Variants in ADCYAP1R1 observed in about 807,000 individuals in gnomAD.
ADCYAP1R1 encodes pituitary adenylate cyclase-activating polypeptide type I receptor.
A neutral mutation model predicts 67.6 loss-of-function variants in ADCYAP1R1; 44 were observed. The ratio of observed to expected loss-of-function variants is 0.65; its 90% CI spans 0.51 to 0.84. The LOEUF (loss-of-function observed/expected upper bound fraction) is 0.84. ADCYAP1R1 is among the 40% of genes least tolerant of loss of function. The probability of loss-of-function intolerance (pLI) is 0.00; values close to 1 mark genes in which losing one functional copy is unlikely to be tolerated. For synonymous variants in ADCYAP1R1, 222 were observed against 219.6 expected (o/e 1.01, Z -0.10); for missense variants, 477 against 587.9 (o/e 0.81, Z 1.95).
At chr7:31,093,087 G>A (rs868717430) in intron 13 of ADCYAP1R1, among the ~76,000 whole-genome samples, 24 of 152,304 alleles carry the variant, frequency 1.6e-4, no homozygotes, top group Middle Eastern at 3.4e-3. Flanking sequence ...TCCTGGTTCT[G>A]TGGGAAGCTC....
At chr7:31,076,409 A>G (rs1160235816) in intron 3 of ADCYAP1R1, among the ~76,000 whole-genome samples, 3 of 152,142 alleles carry the variant, frequency 2.0e-5, no homozygotes, top group Non-Finnish European at 4.4e-5. Context: ...TGGCAGGGCT[A>G]GAAGGAGAGG....
chr7:31,095,133 C>T (rs1272000991), intron 13 of ADCYAP1R1, among the ~76,000 whole-genome samples: 1 of 152,128 alleles, frequency 6.6e-6, no homozygotes, highest in South Asian at 2.1e-4. Context: ...GAAATACTCG[C>T]GACCACATCC....
intron 13 of ADCYAP1R1, among the ~76,000 whole-genome samples, chr7:31,098,703 CGG>C (rs56397954): frequency 0.042 from 2,500 of 58,972 alleles, 76 homozygotes; most frequent in African/African-American, 0.057. Flanking sequence ...TGCAGCGGGG[CGG>C]GGGGGGGGGG....
intron 14 of ADCYAP1R1, among the ~76,000 whole-genome samples, chr7:31,104,125 A>G (rs1456386348): frequency 2.0e-5 from 3 of 152,212 alleles, no homozygotes; most frequent in African/African-American, 7.2e-5. Flanking sequence ...GAGACTGACT[A>G]TGGGTCTCAC....
At chr7:31,065,421 G>A (rs73088288) in intron 3 of ADCYAP1R1, among the ~76,000 whole-genome samples, 5,039 of 152,282 alleles carry the variant, frequency 0.033, 112 homozygotes, top group Middle Eastern at 0.055. Flanking sequence ...TGGGTACAAC[G>A]CTTCTCCTGG....
chr7:31,077,262 G>A (rs1288257580), intron 3 of ADCYAP1R1, among the ~76,000 whole-genome samples: 4 of 151,982 alleles, frequency 2.6e-5, no homozygotes, highest in Non-Finnish European at 4.4e-5. Flanking sequence ...CATGTGTGAT[G>A]TGTGTGTGGG....
chr7:31,064,121 C>T (rs1402093186), intron 2 of ADCYAP1R1, among the ~76,000 whole-genome samples: 1 of 152,198 alleles, frequency 6.6e-6, no homozygotes, highest in East Asian at 1.9e-4. Context: ...AGTGGTATAA[C>T]TTTGGGCTGG....
chr7:31,087,541 C>T, intron 11 of ADCYAP1R1, 86 bp from the exon 12 acceptor site: 2 of 1,220,814 alleles, frequency 1.6e-6, no homozygotes, highest in Admixed American at 1.7e-5. Context: ...AAGTGTCGGG[C>T]ACCCAGCTAG....
At chr7:31,062,439 T>G (rs1794548297) in intron 1 of ADCYAP1R1, among the ~76,000 whole-genome samples, 1 of 152,038 alleles carries the variant, frequency 6.6e-6, no homozygotes, top group Non-Finnish European at 1.5e-5. Context: ...AAAAAGTGGG[T>G]GTAATTGTTA....
rs576291684 is a variant in ADCYAP1R1, at chr7:31,109,872, C to G, written c.*3188C>G. 3 of 152,136 alleles carry G rather than the reference C, an allele frequency of 2.0e-5. No individual in the cohort carries two copies. The highest frequency in any genetic ancestry group is 7.3e-5 in the African/African-American group (3 of 41,350). 9.4% of individuals were successfully genotyped at this position (152,136 alleles called of 1,614,324 possible). ...CCTAGCACTGCAGACTTCATGACTC[C>G]CCACTTAAGTCCAAGTCACATTGTC... On this transcript the variant is annotated 3_prime_UTR_variant, in exon 16 of 16. Coordinates refer to ENST00000304166, the MANE Select transcript of ADCYAP1R1 (RefSeq NM_001118.5).
chr7:31,086,910 G>C lies in ADCYAP1R1; in HGVS notation c.824-33G>C. The C allele has an allele frequency of 1.2e-6, 2 of 1,613,050 alleles. No homozygotes were observed. The highest frequency in any genetic ancestry group is 2.2e-5 in the East Asian group (1 of 44,868). On this transcript the variant is annotated intron_variant, in intron 10 of 15. Coordinates refer to ENST00000304166, the MANE Select transcript of ADCYAP1R1 (RefSeq NM_001118.5). This position sits in a 1 kb window ranked among gnomAD's most constrained non-coding sequence, Gnocchi z 5.0. ...GGACATTGGACATGTTGGTTTTCCT[G>C]TTCTCACGGACCTCTTTTTCTTGTT...
At chr7:31,061,588 G>T (rs979590935) in intron 1 of ADCYAP1R1, among the ~76,000 whole-genome samples, 1 of 152,202 alleles carries the variant, frequency 6.6e-6, no homozygotes, top group Non-Finnish European at 1.5e-5. Flanking sequence ...TGGCTCCCAG[G>T]CTTCTCGGAG....
chr7:31,106,733 A>G lies in ADCYAP1R1; in HGVS notation c.*49A>G. The G allele has an allele frequency of 6.6e-7, 1 of 1,523,882 alleles. No homozygotes were observed. Among genetic ancestry groups the G allele is most frequent in the Non-Finnish European group, 8.8e-7 (1 of 1,133,720 alleles). 94.4% of individuals were successfully genotyped at this position (1,523,882 alleles called of 1,614,324 possible). A position where few individuals can be genotyped will look rare whatever the true frequency, so the allele number is the denominator to read the frequency against. ...TCCTCCATCCACAGGCTGGGACCGCAGGCAGGTGCCAGCCCACGCATGTTT... is the reference window on the plus strand; with the variant it reads ...TCCTCCATCCACAGGCTGGGACCGCGGGCAGGTGCCAGCCCACGCATGTTT... On this transcript the variant is annotated 3_prime_UTR_variant, in exon 16 of 16. Coordinates refer to ENST00000304166, the MANE Select transcript of ADCYAP1R1 (RefSeq NM_001118.5).
At chr7:31,068,974 C>A (rs191066065) in intron 3 of ADCYAP1R1, among the ~76,000 whole-genome samples, 1 of 152,218 alleles carries the variant, frequency 6.6e-6, no homozygotes, top group Non-Finnish European at 1.5e-5. Flanking sequence ...GCCTCTACCC[C>A]TCTCATCATA....
chr7:31,110,153 T>G lies in ADCYAP1R1; in HGVS notation c.*3469T>G, dbSNP rs913128582. 1 of 151,814 alleles carries G rather than the reference T, an allele frequency of 6.6e-6. No homozygotes were observed. Among genetic ancestry groups the G allele is most frequent in the African/African-American group, 2.4e-5 (1 of 41,314 alleles). 9.4% of individuals were successfully genotyped at this position (151,814 alleles called of 1,614,324 possible). On this transcript the variant is annotated 3_prime_UTR_variant, in exon 16 of 16. Coordinates refer to ENST00000304166, the MANE Select transcript of ADCYAP1R1 (RefSeq NM_001118.5). ...CTCTCTCTCTCTCTTTTTTTTTTTT[T>G]TTGAGTAGTACCCTTGCCCTCTTCA...
intron 1 of ADCYAP1R1, among the ~76,000 whole-genome samples, chr7:31,059,766 G>T (rs960767413): frequency 6.6e-6 from 1 of 152,138 alleles, no homozygotes; most frequent in African/African-American, 2.4e-5. Flanking sequence ...GCAGGGTTGC[G>T]GTGGGGGCAG....
At chr7:31,057,285 C>T (rs1046962551) in intron 1 of ADCYAP1R1, among the ~76,000 whole-genome samples, 2 of 152,128 alleles carry the variant, frequency 1.3e-5, no homozygotes, top group Non-Finnish European at 2.9e-5. Context: ...GGGGTGCACT[C>T]CCTGACTCCT....
intron 2 of ADCYAP1R1, among the ~76,000 whole-genome samples, chr7:31,064,092 C>T (rs1404971274): frequency 1.3e-5 from 2 of 152,206 alleles, no homozygotes; most frequent in South Asian, 4.1e-4. Context: ...GAACTTGAAG[C>T]CCATATCTGC....
rs765686493 is a variant in ADCYAP1R1 at position 31,106,731 on chromosome 7, G to A, written c.*47G>A. On this transcript the variant is annotated 3_prime_UTR_variant, in exon 16 of 16. Coordinates refer to ENST00000304166, the MANE Select transcript of ADCYAP1R1 (RefSeq NM_001118.5). ...TCTCCTCCATCCACAGGCTGGGACC[G>A]CAGGCAGGTGCCAGCCCACGCATGT... The A allele has an allele frequency of 2.0e-5, 30 of 1,521,646 alleles. 1 individual carries two copies. The East Asian group carries it at 2.2e-4, about 11-fold the overall frequency. The allele number at this position is 1,521,646 out of a possible 1,614,324, so 94.3% of individuals were successfully genotyped here. A position where few individuals can be genotyped will look rare whatever the true frequency, so the allele number is the denominator to read the frequency against.
Sources: gnomAD v4.1 joint callset for allele counts (sites outside exome capture counted in the v4.1 genomes callset) on GRCh38, gnomAD v4.1.1 for gene constraint, Gnocchi (gnomAD v3.1) non-coding constraint, MANE v1.5 for transcripts, NCBI Gene and HGNC (gene_info 2026-07-23, HGNC 2026-07-21) for gene names.